Variants in DDHD1 observed in about 807,000 individuals in gnomAD.
The protein encoded by DDHD1 is phospholipase DDHD1.
DDHD1 carries 49 observed loss-of-function variants against 96.4 expected under a neutral mutation model. That is an observed-to-expected ratio of 0.51 (90% CI 0.40 to 0.64). The LOEUF (loss-of-function observed/expected upper bound fraction) is 0.64, where lower values mean the gene tolerates loss of function less well. Ranked by LOEUF, DDHD1 falls within the 30% of genes least tolerant of loss-of-function variation. The probability of loss-of-function intolerance (pLI) is 0.00; values close to 1 mark genes in which losing one functional copy is unlikely to be tolerated. For synonymous variants in DDHD1, 442 were observed against 446.5 expected (o/e 0.99, Z 0.13); for missense variants, 1,106 against 1,161.2 (o/e 0.95, Z 0.69).
At chr14:53,132,023 C>G (rs573268496) in intron 1 of DDHD1, among the ~76,000 whole-genome samples, 1 of 152,280 alleles carries the variant, frequency 6.6e-6, no homozygotes, top group African/African-American at 2.4e-5. Flanking sequence ...CCTTTAGATA[C>G]CTAGTTTTGC....
intron 1 of DDHD1, among the ~76,000 whole-genome samples, chr14:53,148,031 T>C (rs1219992483): frequency 6.6e-6 from 1 of 152,236 alleles, no homozygotes; most frequent in African/African-American, 2.4e-5. Context: ...AATATAATCT[T>C]CCCGTTGTTG....
At position 53,046,724 on chromosome 14, in the gene DDHD1, A is replaced by G; in HGVS notation, c.*44T>C. 1 of 1,394,372 alleles carries G rather than the reference A, an allele frequency of 7.2e-7. No individual in the cohort carries two copies. Among genetic ancestry groups the G allele is most frequent in the Non-Finnish European group, 9.6e-7 (1 of 1,045,240 alleles). 86.4% of individuals were successfully genotyped at this position (1,394,372 alleles called of 1,614,324 possible). ...TCTTGACACACACATTTTAACGGAA[A>G]AAAAAAAAATCAGTTTTAGGCCATT... On this transcript the variant is annotated 3_prime_UTR_variant, in exon 13 of 13. Transcript: ENST00000673822.
rs1447427229 is a variant in DDHD1 at position 53,040,269 on chromosome 14, A to T, written c.*6499T>A. On this transcript the variant is annotated 3_prime_UTR_variant, in exon 13 of 13. Transcript: ENST00000673822. ...CCTGTCTTTTCTAATATATAAGTGT[A>T]CTTTATCCTCTGATGTTCTAGAGGG... is the stretch of plus-strand genomic sequence containing the variant. 1 of 152,162 alleles carries T rather than the reference A, an allele frequency of 6.6e-6. No homozygotes were observed. The highest frequency in any genetic ancestry group is 1.5e-5 in the Non-Finnish European group (1 of 68,030). 9.4% of individuals were successfully genotyped at this position (152,162 alleles called of 1,614,324 possible).
chr14:53,139,115 C>T (rs985414485), intron 1 of DDHD1, among the ~76,000 whole-genome samples: 17 of 150,228 alleles, frequency 1.1e-4, no homozygotes. Flanking sequence ...ACACCCACAC[C>T]CACAACCACA....
At chr14:53,098,222 C>T (rs1214761492) in intron 2 of DDHD1, among the ~76,000 whole-genome samples, 1 of 151,906 alleles carries the variant, frequency 6.6e-6, no homozygotes, top group Non-Finnish European at 1.5e-5. Flanking sequence ...CCTCAAAACA[C>T]AACTGCAAAT....
chr14:53,125,021 C>T (rs1889323735), intron 1 of DDHD1, among the ~76,000 whole-genome samples: 1 of 152,000 alleles, frequency 6.6e-6, no homozygotes, highest in African/African-American at 2.4e-5. Context: ...CCCAAATTCC[C>T]TCCTCTTGTG....
intron 9 of DDHD1, among the ~76,000 whole-genome samples, chr14:53,057,819 T>TAA (rs1308667263): frequency 6.6e-6 from 1 of 152,248 alleles, no homozygotes; most frequent in African/African-American, 2.4e-5. Context: ...GTGTTTTCAT[T>TAA]AATTCGATGG....
intron 12 of DDHD1, among the ~76,000 whole-genome samples, chr14:53,050,706 A>C (rs1425416969): frequency 1.3e-5 from 2 of 152,088 alleles, no homozygotes; most frequent in East Asian, 3.9e-4. Context: ...GCTCAAGGTA[A>C]ACAGTGAAGT....
intron 4 of DDHD1, among the ~76,000 whole-genome samples, chr14:53,076,451 T>C (rs1884967485): frequency 1.3e-5 from 2 of 152,300 alleles, no homozygotes; most frequent in African/African-American, 2.4e-5. Flanking sequence ...TTGCTTCTTA[T>C]GGATGAACAA....
At chr14:53,147,920 A>T (rs1017008118) in intron 1 of DDHD1, among the ~76,000 whole-genome samples, 1 of 152,162 alleles carries the variant, frequency 6.6e-6, no homozygotes, top group Non-Finnish European at 1.5e-5. Context: ...GTGCCACACA[A>T]AGGATTGTTA....
intron 2 of DDHD1, among the ~76,000 whole-genome samples, chr14:53,099,340 CA>C (rs1285526070): frequency 6.6e-6 from 1 of 152,054 alleles, no homozygotes; most frequent in African/African-American, 2.4e-5. Context: ...CTAGTTTTTC[CA>C]CTAGTATCTT....
intron 2 of DDHD1, among the ~76,000 whole-genome samples, chr14:53,095,020 C>CTA (rs1886762267): frequency 6.6e-6 from 1 of 152,128 alleles, no homozygotes; most frequent in Admixed American, 6.5e-5. Context: ...ACAGAATGTC[C>CTA]TATCACAGTG....
intron 1 of DDHD1, among the ~76,000 whole-genome samples, chr14:53,128,470 G>C (rs1441967431): frequency 6.6e-6 from 1 of 152,148 alleles, no homozygotes; most frequent in Non-Finnish European, 1.5e-5. Context: ...AGTGGGGAAG[G>C]AGCAGGGTGT....
Position 53,055,880 on chromosome 14 carries a change from G to A in DDHD1, c.2025C>T (p.His675=), listed in dbSNP as rs762610762. 2.5e-6 allele frequency: 4 copies of A among 1,613,172 alleles called. No homozygotes were observed. Among genetic ancestry groups the A allele is most frequent in the Admixed American group, 3.3e-5 (2 of 59,972 alleles). The change falls in exon 10 of 13, where the codon CAC becomes CAT. Residue 675 remains histidine (H), a synonymous_variant. Transcript: ENST00000673822. ...AYRLEPLILK[H]YSNISPVQIH... Reference sequence around the variant, plus strand: ...TCTGGACAGGTGAAATGTTGCTGTAGTGTTTCAGTATTAATGGTTCTAATC... The same window carrying A: ...TCTGGACAGGTGAAATGTTGCTGTAATGTTTCAGTATTAATGGTTCTAATC...
intron 1 of DDHD1, among the ~76,000 whole-genome samples, chr14:53,148,750 C>T (rs1891163381): frequency 6.6e-6 from 1 of 152,196 alleles, no homozygotes; most frequent in Admixed American, 6.5e-5. Flanking sequence ...TGATGAGGTA[C>T]TGAGTAATAA....
intron 2 of DDHD1, 102 bp downstream of exon 2, chr14:53,103,581 C>A: frequency 1.0e-6 from 1 of 978,838 alleles, no homozygotes; most frequent in East Asian, 2.9e-5. Context: ...TTTTCTAATT[C>A]TAAACCTCCT....
chr14:53,132,520 C>T (rs922450512), intron 1 of DDHD1, among the ~76,000 whole-genome samples: 1 of 152,120 alleles, frequency 6.6e-6, no homozygotes, highest in African/African-American at 2.4e-5. Flanking sequence ...ACCGCTCTGC[C>T]CCCCTCCACT....
intron 1 of DDHD1, among the ~76,000 whole-genome samples, chr14:53,124,933 C>T (rs141976148): frequency 6.6e-6 from 1 of 152,078 alleles, no homozygotes; most frequent in African/African-American, 2.4e-5. Context: ...TGCAGATGGT[C>T]ATCTTCTTGC....
rs1057522680 is a variant in DDHD1 at position 53,046,918 on chromosome 14, G to A, written c.2553C>T (p.Leu851=). ...VELDHRIDFE[L]REGLVESRYW... is the part of the protein sequence containing the mutation. ...AGCGGCTCTCCACAAGGCCTTCTCT[G>A]AGTTCAAAATCAATCCTGTGATCCA... The change falls in exon 13 of 13, where the codon CTC becomes CTT. Residue 851 remains leucine, a synonymous_variant. Coordinates refer to ENST00000673822, the MANE Select transcript of DDHD1 (RefSeq NM_001160148.2). The A allele has an allele frequency of 6.2e-7, 1 of 1,610,514 alleles. No homozygotes were observed. The highest frequency in any genetic ancestry group is 8.5e-7 in the Non-Finnish European group (1 of 1,178,406).
Sources: allele counts gnomAD v4.1 joint callset (sites outside exome capture counted in the v4.1 genomes callset), GRCh38; gene constraint gnomAD v4.1.1; transcripts MANE v1.5; gene names NCBI Gene and HGNC (gene_info 2026-07-23, HGNC 2026-07-21).